The following OR2A42 variants were observed in gnomAD, a reference collection of about 807,000 sequenced individuals.
The protein encoded by OR2A42 is olfactory receptor family 2 subfamily A member 42, also known as olfactory receptor 2A1/2A42.
For missense variants in OR2A42, 3 were observed against 104.1 expected (o/e 0.03, Z 4.23); for synonymous variants, 5 against 46.4 (o/e 0.11, Z 3.63).
At chr7:144,237,995 T>TTATACATTGAACACATTTCTGG in intron 2 of OR2A42, among the ~76,000 whole-genome samples, 1 of 139,160 alleles carries the variant, frequency 7.2e-6, no homozygotes, top group South Asian at 2.4e-4. Flanking sequence ...ATGATCTGTG[T>TTATACATTGAACACATTTCTGG]TATACATTGA....
rs2052461620 is a variant in OR2A42, at chr7:144,238,607, CTT to C, written c.-182_-181del. 6.6e-6 allele frequency: 1 copy of C among 150,526 alleles called. No individual in the cohort carries two copies. The allele number at this position is 150,526 out of a possible 1,614,324, so 9.3% of individuals were successfully genotyped here. On this transcript the variant is annotated 5_prime_UTR_variant, in exon 2 of 3. Transcript: ENST00000641810. Reference sequence around the variant, plus strand: ...GGAGTTTCTGTGGGAGCTGCAGAATCTTTGCTTCTGTTTCTGATTGAAAATGT... The same window carrying C: ...GGAGTTTCTGTGGGAGCTGCAGAATCTGCTTCTGTTTCTGATTGAAAATGT...
At chr7:144,236,040 G>A in intron 2 of OR2A42, among the ~76,000 whole-genome samples, 1 of 151,938 alleles carries the variant, frequency 6.6e-6, no homozygotes, top group Non-Finnish European at 1.5e-5. Flanking sequence ...ATTTGGACAA[G>A]CTTGCTTTAA....
In OR2A42 at chr7:144,238,591, G is replaced by T. The variant is rs1278072861; in HGVS notation, c.-164C>A. On this transcript the variant is annotated 5_prime_UTR_variant, in exon 2 of 3. Transcript: ENST00000641810. ...CACCTGAAGGTTTCTGGGAGTTTCT[G>T]TGGGAGCTGCAGAATCTTTGCTTCT... The T allele has an allele frequency of 2.0e-5, 3 of 150,436 alleles. No individual in the cohort carries two copies. The highest frequency in any genetic ancestry group is 3.0e-5 in the Non-Finnish European group (2 of 67,246). 9.3% of individuals were successfully genotyped at this position (150,436 alleles called of 1,614,324 possible).
In OR2A42 at chr7:144,230,659, C is replaced by A. The variant is rs2052364100; in HGVS notation, c.*1252G>T. The A allele has an allele frequency of 1.4e-5, 2 of 142,852 alleles. No individual in the cohort carries two copies. Among genetic ancestry groups the A allele is most frequent in the African/African-American group, 5.1e-5 (2 of 39,108 alleles). 8.8% of individuals were successfully genotyped at this position (142,852 alleles called of 1,614,324 possible). The stretch of plus-strand genomic sequence containing the variant: ...ACTTACTCTCTAATCTCATTGAGAA[C>A]AGCCTCTACTCCCACCCTGTCTGTG... On this transcript the variant is annotated 3_prime_UTR_variant, in exon 3 of 3. Transcript: ENST00000641810.
In OR2A42 at chr7:144,238,496, C is replaced by A. The variant is rs1253977651; in HGVS notation, c.-69G>T. 2.0e-5 allele frequency: 3 copies of A among 150,114 alleles called. No individual in the cohort carries two copies. The highest frequency in any genetic ancestry group is 4.9e-5 in the African/African-American group (2 of 40,588). The allele number at this position is 150,114 out of a possible 1,614,324, so 9.3% of individuals were successfully genotyped here. A position where few individuals can be genotyped will look rare whatever the true frequency, so the allele number is the denominator to read the frequency against. On this transcript the variant is annotated 5_prime_UTR_variant, in exon 2 of 3. It removes an upstream start codon present in the reference 5' UTR. Transcript: ENST00000641810. Reference sequence around the variant, plus strand: ...AGCTACAACATGTCTAGGAGGAATTCATGGTAAAGTAAAAAGAGGCAACCT... The same window carrying A: ...AGCTACAACATGTCTAGGAGGAATTAATGGTAAAGTAAAAAGAGGCAACCT...
intron 2 of OR2A42, among the ~76,000 whole-genome samples, chr7:144,235,215 C>T (rs2052411786): frequency 6.8e-6 from 1 of 147,214 alleles, no homozygotes; most frequent in Non-Finnish European, 1.5e-5. Context: ...CCTCAGCCTC[C>T]CAAAGTGCTG....
At chr7:144,236,462 T>C (rs1254244572) in intron 2 of OR2A42, among the ~76,000 whole-genome samples, 1 of 144,064 alleles carries the variant, frequency 6.9e-6, no homozygotes, top group African/African-American at 2.8e-5. Flanking sequence ...AAAAAACAAG[T>C]AAAACAGAAA....
chr7:144,235,283 T>A (rs879581480), intron 2 of OR2A42, among the ~76,000 whole-genome samples: 18 of 149,982 alleles, frequency 1.2e-4, no homozygotes, highest in Non-Finnish European at 2.2e-4. Flanking sequence ...TTAATTTCTT[T>A]ATTTAGTCCT....
At chr7:144,237,571 C>CA (rs201765296) in intron 2 of OR2A42, among the ~76,000 whole-genome samples, 104 of 147,298 alleles carry the variant, frequency 7.1e-4, no homozygotes, top group South Asian at 1.1e-3. Flanking sequence ...CAAACAACAA[C>CA]AAAAAAAAAA....
chr7:144,233,737 TG>T, intron 2 of OR2A42, among the ~76,000 whole-genome samples: 1 of 56,878 alleles, frequency 1.8e-5, no homozygotes. Flanking sequence ...AAAGAAACTA[TG>T]GAGAAAAAAT....
intron 2 of OR2A42, among the ~76,000 whole-genome samples, chr7:144,235,683 C>T (rs887375304): frequency 6.6e-6 from 1 of 152,170 alleles, no homozygotes; most frequent in African/African-American, 2.4e-5. Flanking sequence ...TTTTCTTTTT[C>T]TCCCCCATAG....
chr7:144,234,962 A>ATTTG (rs2052407164), intron 2 of OR2A42, among the ~76,000 whole-genome samples: 1 of 144,226 alleles, frequency 6.9e-6, no homozygotes, highest in South Asian at 2.2e-4. Context: ...TTATTTATTT[A>ATTTG]TTTTTTTGAG....
intron 2 of OR2A42, among the ~76,000 whole-genome samples, chr7:144,236,610 A>G (rs2052432948): frequency 1.7e-5 from 2 of 119,202 alleles, no homozygotes; most frequent in Non-Finnish European, 3.3e-5. Flanking sequence ...AGCCTGGGCA[A>G]TAGAGTGAGA....
In OR2A42 at chr7:144,230,521, A is replaced by ATGTGTGTGTGTGTG. The variant is rs540189743; in HGVS notation, c.*1376_*1389dup. ...GTGCTTCACTAAGCACTGTGCGTAT[A>ATGTGTGTGTGTGTG]TGTGTGTGTGTGTGTGTGCGCGCAC... On this transcript the variant is annotated 3_prime_UTR_variant, in exon 3 of 3. Transcript: ENST00000641810. The ATGTGTGTGTGTGTG allele has an allele frequency of 6.9e-6, 1 of 145,560 alleles. No individual in the cohort carries two copies. The highest frequency in any genetic ancestry group is 2.7e-5 in the African/African-American group (1 of 37,328). The allele number at this position is 145,560 out of a possible 1,614,324, so 9.0% of individuals were successfully genotyped here.
Position 144,230,483 on chromosome 7 carries a change from G to C in OR2A42, c.*1428C>G, listed in dbSNP as rs1384138910. The C allele has an allele frequency of 6.9e-6, 1 of 145,872 alleles. No homozygotes were observed. Among genetic ancestry groups the C allele is most frequent in the African/African-American group, 2.6e-5 (1 of 38,478 alleles). 9.0% of individuals were successfully genotyped at this position (145,872 alleles called of 1,614,324 possible). ...GGACTTAAAGAGCTCTTACTTGTAAGGTTCTTGGAATAGTGCTTCACTAAG... is the reference window on the plus strand; with the variant it reads ...GGACTTAAAGAGCTCTTACTTGTAACGTTCTTGGAATAGTGCTTCACTAAG... On this transcript the variant is annotated 3_prime_UTR_variant, in exon 3 of 3. Transcript: ENST00000641810.
At position 144,229,837 on chromosome 7, in the gene OR2A42, G is replaced by C. The variant is rs1336192542; in HGVS notation, c.*2074C>G. 6.6e-6 allele frequency: 1 copy of C among 151,456 alleles called. No individual in the cohort carries two copies. Among genetic ancestry groups the C allele is most frequent in the Non-Finnish European group, 1.5e-5 (1 of 67,630 alleles). 9.4% of individuals were successfully genotyped at this position (151,456 alleles called of 1,614,324 possible). On this transcript the variant is annotated 3_prime_UTR_variant, in exon 3 of 3. Transcript: ENST00000641810. ...ACTCTGTCACCCAGGCTGGAATGCA[G>C]TGGTGCGATCATGGCTCACTGCAGC... is the stretch of plus-strand genomic sequence containing the variant.
chr7:144,238,745 T>G lies in OR2A42; in HGVS notation c.-316-2A>C, dbSNP rs1462825570. On this transcript the variant is annotated splice_acceptor_variant, in intron 1 of 2. Transcript: ENST00000641810. LOFTEE classifies it low-confidence loss of function (5UTR_SPLICE). ...TGAAACCTCCTGCATGCTCATCTCC[T>G]TGGGGAAGGAGAGACAAGACAATTG... The G allele has an allele frequency of 2.0e-5, 3 of 151,716 alleles. No homozygotes were observed. The highest frequency in any genetic ancestry group is 2.9e-5 in the Non-Finnish European group (2 of 68,168). 9.4% of individuals were successfully genotyped at this position (151,716 alleles called of 1,614,324 possible).
Position 144,230,487 on chromosome 7 carries a change from C to T in OR2A42, c.*1424G>A, listed in dbSNP as rs1358418294. On this transcript the variant is annotated 3_prime_UTR_variant, in exon 3 of 3. Transcript: ENST00000641810. ...TTAAAGAGCTCTTACTTGTAAGGTT[C>T]TTGGAATAGTGCTTCACTAAGCACT... 1 of 146,132 alleles carries T rather than the reference C, an allele frequency of 6.8e-6. No homozygotes were observed. The highest frequency in any genetic ancestry group is 1.5e-5 in the Non-Finnish European group (1 of 66,524). The allele number at this position is 146,132 out of a possible 1,614,324, so 9.1% of individuals were successfully genotyped here.
rs1298182419 is a variant in OR2A42, at chr7:144,229,075, G to A, written c.*2836C>T. ...AAGCCATGAGGGCAAAGGCGTAGGT[G>A]ACCTACCAGCACCAATGCTCTTCCT... On this transcript the variant is annotated 3_prime_UTR_variant, in exon 3 of 3. Coordinates refer to ENST00000641810, the MANE Select transcript of OR2A42 (RefSeq NM_001001802.3). The A allele has an allele frequency of 1.3e-5, 2 of 151,378 alleles. No individual in the cohort carries two copies. The allele number at this position is 151,378 out of a possible 1,614,324, so 9.4% of individuals were successfully genotyped here.
Sources: gnomAD v4.1 joint callset for allele counts (sites outside exome capture counted in the v4.1 genomes callset) on GRCh38, gnomAD v4.1.1 for gene constraint, MANE v1.5 for transcripts, NCBI Gene and HGNC (gene_info 2026-07-23, HGNC 2026-07-21) for gene names.